Variants in ZBTB20 observed in about 807,000 individuals in gnomAD.
ZBTB20 encodes the protein zinc finger and BTB domain containing 20.
In ZBTB20, 9 loss-of-function variants were observed where a neutral mutation model predicts 56.9. That is an observed-to-expected ratio of 0.16 (90% confidence interval 0.10 to 0.28). ZBTB20 has a LOEUF of 0.28. Ranked by LOEUF, ZBTB20 falls within the 10% of genes least tolerant of loss-of-function variation. The pLI, the probability that ZBTB20 is intolerant of heterozygous loss-of-function variation, is 1.00. For synonymous variants in ZBTB20, 417 were observed against 420.7 expected, an observed-to-expected ratio of 0.99 and a Z score of 0.11; for missense variants, 655 against 1,003.0, an observed-to-expected ratio of 0.65 and a Z score of 4.69.
intron 6 of ZBTB20, among the ~76,000 whole-genome samples, chr3:114,629,213 C>A (rs1175752973): frequency 6.6e-6 from 1 of 152,064 alleles, no homozygotes; most frequent in Non-Finnish European, 1.5e-5. Context: ...CCAAGTCTTT[C>A]TTTTCCCATT....
chr3:114,573,006 A>C lies in ZBTB20; in HGVS notation c.-294-72615T>G, dbSNP rs948578649. On this transcript the variant is annotated intron_variant, in intron 6 of 11. Coordinates refer to ENST00000675478, the MANE Select transcript of ZBTB20 (RefSeq NM_001348800.3). ...CAATTACTCAGAATGCTATTATTAG[A>C]TTTGCATATTTTCATAAGAGAAATT... Among the ~76,000 whole-genome samples the C allele has an allele frequency of 2.6e-5, 4 of 152,304 alleles. 1 individual carries two copies. The highest frequency in any genetic ancestry group is 9.6e-5 in the African/African-American group (4 of 41,562).
At chr3:114,851,858 G>A (rs2075016329) in intron 4 of ZBTB20, among the ~76,000 whole-genome samples, 1 of 151,936 alleles carries the variant, frequency 6.6e-6, no homozygotes. Flanking sequence ...CTTATTTTCT[G>A]TAAATTCTGT....
intron 5 of ZBTB20, among the ~76,000 whole-genome samples, chr3:114,726,716 T>C (rs1169258050): frequency 6.6e-6 from 1 of 151,446 alleles, no homozygotes; most frequent in African/African-American, 2.4e-5. Context: ...ATCATGATCA[T>C]CCTGGCTAAC....
chr3:114,454,351 A>G (rs1206041675), intron 7 of ZBTB20, among the ~76,000 whole-genome samples: 2 of 151,882 alleles, frequency 1.3e-5, no homozygotes, highest in Non-Finnish European at 2.9e-5. Context: ...AGGGGTGCAC[A>G]AAGACAGGGA....
At chr3:114,646,100 A>C (rs989489304) in intron 6 of ZBTB20, among the ~76,000 whole-genome samples, 1 of 110,292 alleles carries the variant, frequency 9.1e-6, no homozygotes, top group Admixed American at 9.7e-5. Flanking sequence ...TAAACATTTT[A>C]GAAATAATTT....
intron 6 of ZBTB20, among the ~76,000 whole-genome samples, chr3:114,639,950 TTACAG>T (rs2059470187): frequency 6.6e-6 from 1 of 152,100 alleles, no homozygotes; most frequent in East Asian, 1.9e-4. Context: ...CTAAGATTAA[TTACAG>T]TCCTAATACT....
intron 8 of ZBTB20, chr3:114,383,741 G>A (rs1182311389): frequency 6.6e-6 from 1 of 152,188 alleles, no homozygotes; most frequent in African/African-American, 2.4e-5. Context: ...CCGGAGCTGA[G>A]AAACCCTAAA....
At chr3:114,545,347 T>C (rs181502773) in intron 6 of ZBTB20, among the ~76,000 whole-genome samples, 18 of 152,312 alleles carry the variant, frequency 1.2e-4, no homozygotes, top group Non-Finnish European at 1.9e-4. Flanking sequence ...TAAACTACCA[T>C]TTGTATACCA....
At chr3:115,030,650 CTT>C (rs1024898387) in intron 2 of ZBTB20, among the ~76,000 whole-genome samples, 10 of 151,120 alleles carry the variant, frequency 6.6e-5, no homozygotes, top group East Asian at 1.9e-4. Flanking sequence ...AAAAAAAAGA[CTT>C]AACGTCATGA....
chr3:114,444,044 A>G (rs2091103824), intron 7 of ZBTB20, among the ~76,000 whole-genome samples: 1 of 152,188 alleles, frequency 6.6e-6, no homozygotes, highest in Non-Finnish European at 1.5e-5. Context: ...CTAGGAGAAA[A>G]GGAACATGGA....
intron 5 of ZBTB20, among the ~76,000 whole-genome samples, chr3:114,799,022 T>C (rs2071528499): frequency 6.6e-6 from 1 of 151,884 alleles, no homozygotes; most frequent in Non-Finnish European, 1.5e-5. Flanking sequence ...GTCAAATGGT[T>C]CTGAGTTCTA....
intron 6 of ZBTB20, among the ~76,000 whole-genome samples, chr3:114,601,533 T>C (rs1252392647): frequency 6.6e-6 from 1 of 152,052 alleles, no homozygotes; most frequent in Non-Finnish European, 1.5e-5. Flanking sequence ...GTATTCATTA[T>C]ACAATAAATA....
chr3:114,823,238 C>A (rs958652219), intron 4 of ZBTB20, among the ~76,000 whole-genome samples: 1 of 152,054 alleles, frequency 6.6e-6, no homozygotes, highest in African/African-American at 2.4e-5. Context: ...AATGTGGCCA[C>A]CTGAGGCATG....
intron 2 of ZBTB20, among the ~76,000 whole-genome samples, 165 bp from the exon 3 acceptor site, chr3:114,974,581 AG>A (rs1476043393): frequency 6.6e-6 from 1 of 152,222 alleles, no homozygotes; most frequent in Non-Finnish European, 1.5e-5. Context: ...ACAAGTACTC[AG>A]TAAAACGTGG....
chr3:114,939,612 G>T (rs2076661700), intron 3 of ZBTB20, among the ~76,000 whole-genome samples: 1 of 146,400 alleles, frequency 6.8e-6, no homozygotes, highest in South Asian at 2.1e-4. Context: ...AAGCAAAATA[G>T]TTAAAATGAT....
At chr3:114,739,895 T>A (rs2066453089) in intron 5 of ZBTB20, among the ~76,000 whole-genome samples, 1 of 152,222 alleles carries the variant, frequency 6.6e-6, no homozygotes, top group Non-Finnish European at 1.5e-5. Flanking sequence ...ATGGGCTCTG[T>A]ATCTATGAGA....
rs114799593 is a variant in ZBTB20, at chr3:114,593,043, A to T, written c.-294-92652T>A. On this transcript the variant is annotated intron_variant, in intron 6 of 11. Coordinates refer to ENST00000675478, the MANE Select transcript of ZBTB20 (RefSeq NM_001348800.3). Reference sequence around the variant, plus strand: ...AAAACTGAAAAGTGTATGTTTTATAATTATTGAGTAAAAGAGGATTTTCAT... The same window carrying T: ...AAAACTGAAAAGTGTATGTTTTATATTTATTGAGTAAAAGAGGATTTTCAT... Among the ~76,000 whole-genome samples the T allele has an allele frequency of 8.2e-3, 1,249 of 152,282 alleles. 21 individuals carry two copies. The highest frequency in any genetic ancestry group is 0.028 in the African/African-American group (1,163 of 41,560).
At chr3:114,390,379 T>G (rs1198307143) in intron 7 of ZBTB20, among the ~76,000 whole-genome samples, 4 of 152,238 alleles carry the variant, frequency 2.6e-5, no homozygotes, top group African/African-American at 9.6e-5. Flanking sequence ...TAGTTCTTAA[T>G]GTATTCTAGT....
chr3:114,656,487 G>C (rs2060411593), intron 6 of ZBTB20, among the ~76,000 whole-genome samples: 1 of 151,996 alleles, frequency 6.6e-6, no homozygotes. Context: ...GCAAAGTATA[G>C]TGGACTGGTT....
Sources: allele counts gnomAD v4.1 joint callset (sites outside exome capture counted in the v4.1 genomes callset), GRCh38; gene constraint gnomAD v4.1.1; transcripts MANE v1.5; gene names NCBI Gene and HGNC (gene_info 2026-07-23, HGNC 2026-07-21).